ADCY2: variants seen among roughly 807,000 people sequenced by gnomAD.
ADCY2 encodes the protein adenylate cyclase 2, also known as adenylate cyclase type 2.
Under a neutral mutation model 125.2 loss-of-function variants are expected in ADCY2, and 31 were observed. That is an observed-to-expected ratio of 0.25 (90% CI 0.19 to 0.33). ADCY2 has a LOEUF of 0.33. Among genes scored for constraint, ADCY2 ranks in the 10% least tolerant of loss-of-function variants. The pLI, the probability that ADCY2 is intolerant of heterozygous loss-of-function variation, is 1.00. For synonymous variants in ADCY2, 512 were observed against 548.4 expected (o/e 0.93, Z 0.93); for missense variants, 904 against 1,418.2 (o/e 0.64, Z 5.82).
chr5:7,639,035 C>G (rs1738603626), intron 4 of ADCY2, among the ~76,000 whole-genome samples: 1 of 152,118 alleles, frequency 6.6e-6, no homozygotes, highest in Non-Finnish European at 1.5e-5. Context: ...TGCTTTCTAC[C>G]ATGATTGTGA....
chr5:7,613,492 G>T (rs1040816353), intron 3 of ADCY2, among the ~76,000 whole-genome samples: 2 of 152,206 alleles, frequency 1.3e-5, no homozygotes, highest in African/African-American at 2.4e-5. Flanking sequence ...TGGCGGTGGG[G>T]GGTGGGGTCC....
intron 7 of ADCY2, among the ~76,000 whole-genome samples, chr5:7,705,000 C>A (rs1338557315): frequency 6.6e-6 from 1 of 152,240 alleles, no homozygotes; most frequent in South Asian, 2.1e-4. Flanking sequence ...TTAAGGAGTT[C>A]AGCTCTGTCA....
chr5:7,767,912 TC>T (rs1412708673), intron 17 of ADCY2, among the ~76,000 whole-genome samples: 1 of 152,004 alleles, frequency 6.6e-6, no homozygotes, highest in Non-Finnish European at 1.5e-5. Context: ...GTGCCTATAG[TC>T]CCAGCTACTT....
At chr5:7,695,104 A>G (rs1420155134) in intron 5 of ADCY2, among the ~76,000 whole-genome samples, 3 of 152,222 alleles carry the variant, frequency 2.0e-5, no homozygotes, top group Non-Finnish European at 4.4e-5. Flanking sequence ...TGTGTAGGAA[A>G]AGTTGCAGTG....
At chr5:7,693,413 G>GTT (rs70940751) in intron 5 of ADCY2, among the ~76,000 whole-genome samples, 1,804 of 32,170 alleles carry the variant, frequency 0.056, 63 homozygotes, top group African/African-American at 0.068. Context: ...GCTGTTTTTT[G>GTT]TTTTTTTTTT....
intron 4 of ADCY2, among the ~76,000 whole-genome samples, chr5:7,683,984 G>GGGTTTTTGGCCAGTGCCCAGGA (rs1740427425): frequency 6.6e-6 from 1 of 152,178 alleles, no homozygotes; most frequent in African/African-American, 2.4e-5. Context: ...CTTATGTTGA[G>GGGTTTTTGGCCAGTGCCCAGGA]GGTTTTTGGC....
rs550360635 is a variant in ADCY2, at chr5:7,670,762, C to T, written c.721-19929C>T. Among the ~76,000 whole-genome samples, 204 of 152,280 alleles carry T rather than the reference C, an allele frequency of 1.3e-3. 4 individuals carry two copies. The Middle Eastern group carries it at 0.017, about 13-fold the overall frequency. ...CCCTCCCGTGCACAGTTTACTATAG[C>T]GTCCATGCTTCTGTGAGAATCTAAT... On this transcript the variant is annotated intron_variant, in intron 4 of 24. Coordinates refer to ENST00000338316, the MANE Select transcript of ADCY2 (RefSeq NM_020546.3).
chr5:7,423,842 T>G (rs1740295623), intron 2 of ADCY2, among the ~76,000 whole-genome samples: 1 of 152,172 alleles, frequency 6.6e-6, no homozygotes, highest in Admixed American at 6.5e-5. Flanking sequence ...ACTGCTTTTC[T>G]TAAGAGGAGC....
At chr5:7,586,630 G>C (rs1405114049) in intron 3 of ADCY2, among the ~76,000 whole-genome samples, 3 of 152,134 alleles carry the variant, frequency 2.0e-5, no homozygotes, top group Non-Finnish European at 4.4e-5. Context: ...CGTGCATCTC[G>C]GGGGATGTCT....
intron 3 of ADCY2, among the ~76,000 whole-genome samples, chr5:7,589,490 G>GAAAGAAAGAA (rs1680857788): frequency 3.4e-5 from 2 of 58,476 alleles, no homozygotes; most frequent in South Asian, 1.8e-3. Context: ...AAGAAAGAAA[G>GAAAGAAAGAA]AAAGAAAGAA....
chr5:7,411,883 G>A (rs1176476876), intron 1 of ADCY2, among the ~76,000 whole-genome samples: 2 of 152,050 alleles, frequency 1.3e-5, no homozygotes, highest in Admixed American at 6.5e-5. Flanking sequence ...AGACCATCCC[G>A]GCTAAAACGG....
intron 13 of ADCY2, 76 bp from the exon 14 acceptor site, chr5:7,727,088 C>G: frequency 8.9e-7 from 1 of 1,117,754 alleles, no homozygotes; most frequent in Non-Finnish European, 1.3e-6. Flanking sequence ...GCTCTGGGTA[C>G]AACTAGGCTG....
intron 4 of ADCY2, among the ~76,000 whole-genome samples, chr5:7,626,705 A>G (rs912947091): frequency 2.0e-5 from 3 of 151,826 alleles, no homozygotes; most frequent in South Asian, 2.1e-4. Flanking sequence ...TGAACAACCA[A>G]CTCTCATGGG....
At position 7,656,253 on chromosome 5, in the gene ADCY2, C is replaced by A. The variant is rs149078691; in HGVS notation, c.720+29937C>A. ...ATTTTTAGTGGAGACGGGGTTTCAC[C>A]ATGTTTGTCAGGCTGGTCTCGAACT... On this transcript the variant is annotated intron_variant, in intron 4 of 24. Transcript: ENST00000338316. Among the ~76,000 whole-genome samples the A allele has an allele frequency of 3.1e-3, 479 of 152,150 alleles. 1 individual carries two copies. Among genetic ancestry groups the A allele is most frequent in the African/African-American group, 0.011 (456 of 41,520 alleles).
chr5:7,630,682 C>T (rs776950910), intron 4 of ADCY2, among the ~76,000 whole-genome samples: 16 of 151,910 alleles, frequency 1.1e-4, no homozygotes, highest in Non-Finnish European at 1.8e-4. Context: ...TTCAAGCTTC[C>T]GAAGGCTGCT....
At chr5:7,710,864 C>A (rs2126362265) in intron 10 of ADCY2, among the ~76,000 whole-genome samples, 1 of 152,146 alleles carries the variant, frequency 6.6e-6, no homozygotes, top group South Asian at 2.1e-4. Flanking sequence ...AATTCAGGGG[C>A]TAACGTGAAA....
intron 2 of ADCY2, among the ~76,000 whole-genome samples, chr5:7,508,598 G>A (rs1338343244): frequency 6.6e-6 from 1 of 152,160 alleles, no homozygotes; most frequent in Non-Finnish European, 1.5e-5. Context: ...CCCCAGTTCT[G>A]AACTGGCAAG....
intron 14 of ADCY2, among the ~76,000 whole-genome samples, chr5:7,729,245 A>G (rs1175672638): frequency 6.6e-6 from 1 of 152,188 alleles, no homozygotes; most frequent in Non-Finnish European, 1.5e-5. Context: ...AAAGATACAG[A>G]AAAGTACAGA....
At chr5:7,649,682 G>A (rs868033981) in intron 4 of ADCY2, among the ~76,000 whole-genome samples, 6 of 151,896 alleles carry the variant, frequency 4.0e-5, no homozygotes, top group South Asian at 2.1e-4. Context: ...CTTTACAACC[G>A]TCTACACACT....
Sources: allele counts gnomAD v4.1 joint callset (sites outside exome capture counted in the v4.1 genomes callset), GRCh38; gene constraint gnomAD v4.1.1; transcripts MANE v1.5; gene names NCBI Gene and HGNC (gene_info 2026-07-23, HGNC 2026-07-21).